The following C12orf42 variants were observed in gnomAD, a reference collection of about 807,000 sequenced individuals.
C12orf42 encodes chromosome 12 open reading frame 42, also known as uncharacterized protein C12orf42.
In C12orf42, 25 loss-of-function variants were observed where a neutral mutation model predicts 21.6. The observed-to-expected ratio is 1.16, with a 90% CI of 0.84 to 1.62. The LOEUF is 1.62. Among genes scored for constraint, C12orf42 ranks in the 40% most tolerant of loss-of-function variants. The pLI, the probability that C12orf42 is intolerant of heterozygous loss-of-function variation, is 0.00. For missense variants in C12orf42, 483 were observed against 459.3 expected (o/e 1.05, Z -0.47); for synonymous variants, 174 against 175.0 (o/e 0.99, Z 0.05).
At chr12:103,259,804 G>A (rs1170580100) in intron 10 of C12orf42, among the ~76,000 whole-genome samples, 2 of 152,078 alleles carry the variant, frequency 1.3e-5, no homozygotes, top group East Asian at 1.9e-4. Flanking sequence ...ACTTTCTCAT[G>A]CTCCGGACAC....
At chr12:103,341,223 A>ACATGCCTG (rs2042145825) in intron 4 of C12orf42, among the ~76,000 whole-genome samples, 1 of 152,008 alleles carries the variant, frequency 6.6e-6, no homozygotes, top group Non-Finnish European at 1.5e-5. Context: ...GCATGGTGGC[A>ACATGCCTG]CATGCCTGTA....
the C12orf42 span, among the ~76,000 whole-genome samples, chr12:103,209,761 T>G: frequency 2.6e-5 from 4 of 152,328 alleles, no homozygotes; most frequent in African/African-American, 9.6e-5. Flanking sequence ...TTCCTCATTG[T>G]GCATGGCCAG....
chr12:103,507,430 G>A, the C12orf42 span, among the ~76,000 whole-genome samples: 3 of 144,766 alleles, frequency 2.1e-5, no homozygotes, highest in Non-Finnish European at 4.5e-5. Flanking sequence ...AGCACTCTGG[G>A]AGGCCAAGGC....
chr12:103,383,961 G>C (rs2046386707), intron 3 of C12orf42, among the ~76,000 whole-genome samples: 1 of 152,168 alleles, frequency 6.6e-6, no homozygotes, highest in Admixed American at 6.5e-5. Context: ...ATCACCCGAA[G>C]TGTGTGAGAG....
chr12:103,241,157 T>C (rs2033718557), intron 10 of C12orf42, among the ~76,000 whole-genome samples: 1 of 151,576 alleles, frequency 6.6e-6, no homozygotes, highest in African/African-American at 2.4e-5. Context: ...TTTTCAAACC[T>C]TTATGAGAAG....
chr12:103,404,593 A>T (rs2048285660), intron 2 of C12orf42, among the ~76,000 whole-genome samples: 1 of 152,260 alleles, frequency 6.6e-6, no homozygotes, highest in Admixed American at 6.5e-5. Flanking sequence ...AAGTGCATTT[A>T]GAAAGCCACA....
chr12:103,495,626 T>C (rs2138247804), intron 1 of C12orf42: 1 of 145,552 alleles, frequency 6.9e-6, no homozygotes, highest in South Asian at 2.2e-4. Flanking sequence ...TTAAGGAGCG[T>C]GTGCGTCTCG....
chr12:103,079,517 T>C, the C12orf42 span, among the ~76,000 whole-genome samples: 2 of 152,204 alleles, frequency 1.3e-5, no homozygotes, highest in Non-Finnish European at 2.9e-5. Context: ...AGACATGTGA[T>C]ACACAGACAA....
the C12orf42 span, among the ~76,000 whole-genome samples, chr12:103,180,615 C>CTTTTTTTTTTTTT: frequency 8.1e-5 from 5 of 61,992 alleles, no homozygotes; most frequent in African/African-American, 3.7e-4. Flanking sequence ...AAATAATTTC[C>CTTTTTTTTTTTTT]TTTTTTTTTT....
the C12orf42 span, among the ~76,000 whole-genome samples, chr12:103,149,644 T>G: frequency 6.6e-6 from 1 of 151,716 alleles, no homozygotes; most frequent in Non-Finnish European, 1.5e-5. Context: ...TTTATAAGCA[T>G]CTGGCATTTC....
chr12:103,489,316 C>T (rs553081416), intron 1 of C12orf42, among the ~76,000 whole-genome samples: 104 of 152,362 alleles, frequency 6.8e-4, no homozygotes, highest in Non-Finnish European at 1.2e-3. Flanking sequence ...GATCCTTTCT[C>T]TGGAAGCTTT....
intron 2 of C12orf42, among the ~76,000 whole-genome samples, chr12:103,415,937 ACT>A (rs912824387): frequency 2.0e-5 from 3 of 151,198 alleles, no homozygotes; most frequent in African/African-American, 4.9e-5. Context: ...AGAAGAAAAA[ACT>A]CTCTGCCTTT....
chr12:103,557,383 C>T, the C12orf42 span: 1 of 152,172 alleles, frequency 6.6e-6, no homozygotes, highest in African/African-American at 2.4e-5. Flanking sequence ...ATTTGATTAA[C>T]TGCTGATGTT....
intron 2 of C12orf42, among the ~76,000 whole-genome samples, chr12:103,403,375 CAAAAAAA>C (rs11313657): frequency 1.1e-5 from 1 of 89,238 alleles, no homozygotes; most frequent in South Asian, 3.2e-4. Context: ...GACTCCGTCT[CAAAAAAA>C]AAAAAAAAAG....
intron 2 of C12orf42, among the ~76,000 whole-genome samples, chr12:103,414,147 A>AT (rs1210045020): frequency 1.6e-4 from 24 of 151,136 alleles, no homozygotes; most frequent in South Asian, 6.3e-4. Flanking sequence ...ACCAATATCT[A>AT]TTTTTTTTTA....
At chr12:103,400,516 G>A (rs2047903410) in intron 3 of C12orf42, among the ~76,000 whole-genome samples, 1 of 152,148 alleles carries the variant, frequency 6.6e-6, no homozygotes, top group Admixed American at 6.5e-5. Flanking sequence ...ACGTCCAAAT[G>A]GACATATAAC....
At chr12:103,450,187 C>T (rs1333842369) in intron 2 of C12orf42, among the ~76,000 whole-genome samples, 1 of 151,928 alleles carries the variant, frequency 6.6e-6, no homozygotes, top group Non-Finnish European at 1.5e-5. Flanking sequence ...TGTTAATCTG[C>T]CCTTGCATCC....
the C12orf42 span, among the ~76,000 whole-genome samples, chr12:103,198,294 A>G: frequency 6.6e-6 from 1 of 151,942 alleles, no homozygotes; most frequent in African/African-American, 2.4e-5. Context: ...CCTCTGCCAG[A>G]GAAGGAGCTA....
At chr12:103,120,581 C>A in the C12orf42 span, among the ~76,000 whole-genome samples, 1 of 152,012 alleles carries the variant, frequency 6.6e-6, no homozygotes. Flanking sequence ...AAATCTATTT[C>A]TCCATGCTTC....
Sources: allele counts gnomAD v4.1 joint callset (sites outside exome capture counted in the v4.1 genomes callset), GRCh38; gene constraint gnomAD v4.1.1; transcripts MANE v1.5; gene names NCBI Gene and HGNC (gene_info 2026-07-23, HGNC 2026-07-21).